TAFA5: variants seen among roughly 807,000 people sequenced by gnomAD.
TAFA5 encodes the protein TAFA chemokine like family member 5.
TAFA5 carries 6 observed loss-of-function variants against 15.3 expected under a neutral mutation model. The observed-to-expected ratio is 0.39, with a 90% confidence interval of 0.21 to 0.77. The LOEUF (loss-of-function observed/expected upper bound fraction) is 0.77. TAFA5 is among the 30% of genes least tolerant of loss of function. The pLI is 0.41. For missense variants in TAFA5, 161 were observed against 193.1 expected (o/e 0.83, Z 0.98); for synonymous variants, 103 against 80.7 (o/e 1.28, Z -1.48).
At chr22:48,717,913 T>C (rs1929450703) in intron 3 of TAFA5, among the ~76,000 whole-genome samples, 1 of 152,174 alleles carries the variant, frequency 6.6e-6, no homozygotes, top group Non-Finnish European at 1.5e-5. Context: ...CAGAAGTGAA[T>C]AAGGCCCCAG....
intron 3 of TAFA5, among the ~76,000 whole-genome samples, chr22:48,731,724 A>G (rs1171707573): frequency 1.3e-5 from 2 of 152,304 alleles, no homozygotes; most frequent in East Asian, 1.9e-4. Flanking sequence ...AAGATTCAAG[A>G]TATTGCTGCT....
chr22:48,634,120 G>GCTCACTCGCTCACTCA (rs1555894536), intron 1 of TAFA5, among the ~76,000 whole-genome samples: 26 of 150,856 alleles, frequency 1.7e-4, no homozygotes, highest in African/African-American at 6.1e-4. Flanking sequence ...TCACTCACTC[G>GCTCACTCGCTCACTCA]CTCACTCACT....
chr22:48,647,679 A>AC (rs1183946574), intron 2 of TAFA5, among the ~76,000 whole-genome samples: 7 of 151,492 alleles, frequency 4.6e-5, no homozygotes, highest in Non-Finnish European at 1.0e-4. Flanking sequence ...GGGTAGGGAG[A>AC]CCCCTCCCTG....
At chr22:48,630,093 G>A (rs1926161674) in intron 1 of TAFA5, among the ~76,000 whole-genome samples, 1 of 152,208 alleles carries the variant, frequency 6.6e-6, no homozygotes, top group South Asian at 2.1e-4. Flanking sequence ...GGACGAGCAG[G>A]TGGAGTGGGA....
rs1041624008 is a variant in TAFA5, at chr22:48,646,128, G to A, written c.113-469G>A. The stretch of plus-strand genomic sequence containing the variant: ...CACACAACTTTTGACAAGCCTGAGC[G>A]GGGGTCTGACCTATTTTCCGGCTCC... On this transcript the variant is annotated intron_variant, in intron 1 of 3. Transcript: ENST00000402357. 5.3e-5 allele frequency among the ~76,000 whole-genome samples: 8 copies of A among 152,138 alleles called. No individual in the cohort carries two copies. The East Asian group carries it at 5.8e-4, about 11-fold the overall frequency.
rs1281040729 is a variant in TAFA5, at chr22:48,550,157, A to C, written c.112+60453A>C. Among the ~76,000 whole-genome samples the C allele has an allele frequency of 1.3e-5, 2 of 152,182 alleles. No individual in the cohort carries two copies. The highest frequency in any genetic ancestry group is 2.1e-4 in the South Asian group (1 of 4,820). On this transcript the variant is annotated intron_variant, in intron 1 of 3. Coordinates refer to ENST00000402357, the MANE Select transcript of TAFA5 (RefSeq NM_001082967.3). The surrounding 1 kb of genome is among the most constrained non-coding windows in gnomAD (Gnocchi z 4.1). ...TGGGTGTAGCAGCCTGTGTGTGTCC[A>C]CCCGAGGTGGCCCTGCCCTGTTTCC...
At position 48,542,138 on chromosome 22, in the gene TAFA5, T is replaced by TGTGTGTGTG. The variant is rs1555886570; in HGVS notation, c.112+52435_112+52443dup. ...GTGTGTGTGGTGTGTGTGATGTGTA[T>TGTGTGTGTG]GTGTGTGTGTGGGTGTGGGGGGTGT... On this transcript the variant is annotated intron_variant, in intron 1 of 3. Coordinates refer to ENST00000402357, the MANE Select transcript of TAFA5 (RefSeq NM_001082967.3). Among the ~76,000 whole-genome samples the TGTGTGTGTG allele has an allele frequency of 9.1e-3, 1,166 of 128,684 alleles. 18 individuals are homozygous for TGTGTGTGTG. Among genetic ancestry groups the TGTGTGTGTG allele is most frequent in the African/African-American group, 0.032 (1,124 of 35,226 alleles). 84.4% of individuals were successfully genotyped at this position (128,684 alleles called of 152,430 possible).
intron 1 of TAFA5, among the ~76,000 whole-genome samples, chr22:48,507,115 G>A (rs201898294): frequency 0.36 from 52,961 of 147,716 alleles, 12,294 homozygotes; most frequent in African/African-American, 0.66. Context: ...GAAGGAGGTG[G>A]CCGCCAAGGG....
At chr22:48,738,639 G>A (rs1380868063) in intron 3 of TAFA5, among the ~76,000 whole-genome samples, 1 of 152,174 alleles carries the variant, frequency 6.6e-6, no homozygotes, top group African/African-American at 2.4e-5. Context: ...TTAAGTGAGG[G>A]AGGCCATGAT....
chr22:48,615,916 C>G (rs1180971267), intron 1 of TAFA5, among the ~76,000 whole-genome samples: 1 of 152,224 alleles, frequency 6.6e-6, no homozygotes, highest in Non-Finnish European at 1.5e-5. Flanking sequence ...CCAATCCTCA[C>G]CCTGGCTTTG....
At chr22:48,741,564 G>A (rs1379389695) in intron 3 of TAFA5, among the ~76,000 whole-genome samples, 1 of 152,188 alleles carries the variant, frequency 6.6e-6, no homozygotes, top group Non-Finnish European at 1.5e-5. Context: ...TTGGAGATAG[G>A]GCCTTAAAGG....
intron 3 of TAFA5, among the ~76,000 whole-genome samples, chr22:48,729,109 C>A (rs2147265778): frequency 6.6e-6 from 1 of 151,908 alleles, no homozygotes; most frequent in East Asian, 1.9e-4. Context: ...TAATATTCTT[C>A]AGTAAAATTT....
chr22:48,603,941 G>A (rs979963470), intron 1 of TAFA5, among the ~76,000 whole-genome samples: 1 of 152,278 alleles, frequency 6.6e-6, no homozygotes. Flanking sequence ...TGGCCTGGAG[G>A]CATATTCCCC....
rs562931819 is a variant in TAFA5, at chr22:48,608,078, G to A, written c.113-38519G>A. Among the ~76,000 whole-genome samples, 4 of 151,948 alleles carry A rather than the reference G, an allele frequency of 2.6e-5. 1 individual carries two copies. In the South Asian group the frequency reaches 8.3e-4, roughly 32 times the overall value. ...ACAGGCAGAATGAGGCAGTGAGCCA[G>A]CCCCTCCCACGGCCCCAGGCTGCCA... is the stretch of plus-strand genomic sequence containing the variant. On this transcript the variant is annotated intron_variant, in intron 1 of 3. Transcript: ENST00000402357.
At chr22:48,614,372 A>G (rs1925522345) in intron 1 of TAFA5, among the ~76,000 whole-genome samples, 1 of 152,234 alleles carries the variant, frequency 6.6e-6, no homozygotes, top group Non-Finnish European at 1.5e-5. Flanking sequence ...ATATGTTGAT[A>G]CACAGACGTT....
At position 48,658,189 on chromosome 22, in the gene TAFA5, C is replaced by T. The variant is rs117080749; in HGVS notation, c.262+11443C>T. ...ATGCCAGAGGACCTTGAGCTGCTCC[C>T]GTCCACTTCCACCTCCGAAACTCAG... is the stretch of plus-strand genomic sequence containing the variant. On this transcript the variant is annotated intron_variant, in intron 2 of 3. Transcript: ENST00000402357. Among the ~76,000 whole-genome samples, 882 of 149,790 alleles carry T rather than the reference C, an allele frequency of 5.9e-3. 8 individuals carry two copies. Among genetic ancestry groups the T allele is most frequent in the Non-Finnish European group, 6.0e-3 (405 of 67,532 alleles).
chr22:48,555,917 G>A (rs893179522), intron 1 of TAFA5, among the ~76,000 whole-genome samples: 1 of 152,210 alleles, frequency 6.6e-6, no homozygotes, highest in Non-Finnish European at 1.5e-5. Context: ...CTTGTGAGGG[G>A]TGGAGGCCCT....
chr22:48,502,423 T>C (rs1170506802), intron 1 of TAFA5, among the ~76,000 whole-genome samples: 6 of 134,916 alleles, frequency 4.4e-5, no homozygotes, highest in Non-Finnish European at 7.8e-5. Flanking sequence ...GGAGTACTTT[T>C]GTCTTAGGCT....
At chr22:48,647,864 C>T (rs1212773937) in intron 2 of TAFA5, among the ~76,000 whole-genome samples, 9 of 152,094 alleles carry the variant, frequency 5.9e-5, no homozygotes, top group East Asian at 1.9e-4. Flanking sequence ...GGGTGAGATG[C>T]GGAGTCCCCT....
Sources: allele counts gnomAD v4.1 joint callset (sites outside exome capture counted in the v4.1 genomes callset), GRCh38; gene constraint gnomAD v4.1.1; non-coding constraint Gnocchi (gnomAD v3.1); transcripts MANE v1.5; gene names NCBI Gene and HGNC (gene_info 2026-07-23, HGNC 2026-07-21).